GDPD3: variants seen among roughly 807,000 people sequenced by gnomAD.
The protein encoded by GDPD3 is glycerophosphodiester phosphodiesterase domain containing 3.
In GDPD3, 40 loss-of-function variants were observed where a neutral mutation model predicts 43.7. That is an observed-to-expected ratio of 0.91 (90% CI 0.71 to 1.19). The LOEUF (loss-of-function observed/expected upper bound fraction) is 1.19. Ranked by LOEUF, GDPD3 falls within the 50% of genes most tolerant of loss-of-function variation. The pLI is 0.00. For synonymous variants in GDPD3, 145 were observed against 162.9 expected, an observed-to-expected ratio of 0.89 and a Z score of 0.84; for missense variants, 363 against 415.8, an observed-to-expected ratio of 0.87 and a Z score of 1.11.
chr16:30,110,222 G>A (rs1357909451), intron 7 of GDPD3, among the ~76,000 whole-genome samples: 1 of 151,430 alleles, frequency 6.6e-6, no homozygotes, highest in Non-Finnish European at 1.5e-5. Flanking sequence ...GGATCATGAG[G>A]TCAGATTACC....
At chr16:30,111,616 G>A (rs1242975070) in intron 6 of GDPD3, 95 bp from the exon 7 acceptor site, 12 of 1,358,496 alleles carry the variant, frequency 8.8e-6, no homozygotes, top group Non-Finnish European at 1.2e-5. Context: ...CATTCCAGAG[G>A]CCCTACTACC....
At position 30,112,032 on chromosome 16, in the gene GDPD3, G is replaced by C. The variant is rs2072903057; in HGVS notation, c.573+100C>G. On this transcript the variant is annotated intron_variant, in intron 6 of 9. Transcript: ENST00000406256. This position sits in a 1 kb window ranked among gnomAD's most constrained non-coding sequence, Gnocchi z 5.4. Reference sequence around the variant, plus strand: ...CGCCACGCCACTGGGAACTCTCCCAGACCCCTCTAGCTCGGGTCCCCATGC... The same window carrying C: ...CGCCACGCCACTGGGAACTCTCCCACACCCCTCTAGCTCGGGTCCCCATGC... 6 of 898,184 alleles carry C rather than the reference G, an allele frequency of 6.7e-6. No individual in the cohort carries two copies. Among genetic ancestry groups the C allele is most frequent in the Non-Finnish European group, 1.1e-5 (6 of 555,306 alleles). The allele number at this position is 898,184 out of a possible 1,614,324, so 55.6% of individuals were successfully genotyped here.
At position 30,112,860 on chromosome 16, in the gene GDPD3, G is replaced by C. The variant is rs1232183622; in HGVS notation, c.183-67C>G. 3.8e-6 allele frequency: 6 copies of C among 1,571,424 alleles called. No homozygotes were observed. Among genetic ancestry groups the C allele is most frequent in the Non-Finnish European group, 5.2e-6 (6 of 1,149,098 alleles). On this transcript the variant is annotated intron_variant, in intron 2 of 9. Transcript: ENST00000406256. The surrounding 1 kb of genome is among the most constrained non-coding windows in gnomAD (Gnocchi z 5.4). ...GGGATGAGGGGCATGGTGGCTGGGAGGTGGCCGGGAATGTGAGAGCGGAGT... is the reference window on the plus strand; with the variant it reads ...GGGATGAGGGGCATGGTGGCTGGGACGTGGCCGGGAATGTGAGAGCGGAGT...
rs747313934 is a variant in GDPD3, at chr16:30,104,959, G to A, written c.870C>T (p.Ser290=). ...CCGTTATGACGCCAGTGGCTCCCAC[G>A]CTGAAGGCTGCTTCAAAATCCGACT... ...NEESDFEAAF[S]VGATGVITDY... Residue 290 remains serine (S), a synonymous_variant, in exon 10 of 10, where the codon AGC becomes AGT. Transcript: ENST00000406256. 43 of 1,612,604 alleles carry A rather than the reference G, an allele frequency of 2.7e-5. No homozygotes were observed. In the Middle Eastern group the frequency reaches 5.7e-4, roughly 21 times the overall value.
chr16:30,110,697 C>G (rs2072892373), intron 7 of GDPD3, among the ~76,000 whole-genome samples: 1 of 151,556 alleles, frequency 6.6e-6, no homozygotes, highest in Admixed American at 6.6e-5. Flanking sequence ...CATAGTGAGA[C>G]CTTGTCTCTA....
Position 30,112,473 on chromosome 16 carries a change from C to T in GDPD3, c.365-49G>A. 1 of 1,613,974 alleles carries T rather than the reference C, an allele frequency of 6.2e-7. No homozygotes were observed. The highest frequency in any genetic ancestry group is 8.5e-7 in the Non-Finnish European group (1 of 1,179,850). On this transcript the variant is annotated intron_variant, in intron 4 of 9. Transcript: ENST00000406256. This position sits in a 1 kb window ranked among gnomAD's most constrained non-coding sequence, Gnocchi z 5.4. ...GTCAGAGGGAAGCCAAGGCGGAGGT[C>T]CAAGGAAGGCAGGCATGGCCCAGGC...
chr16:30,112,291 T>C lies in GDPD3; in HGVS notation c.483+15A>G. On this transcript the variant is annotated intron_variant, in intron 5 of 9. Coordinates refer to ENST00000406256, the MANE Select transcript of GDPD3 (RefSeq NM_024307.3). The surrounding 1 kb of genome is among the most constrained non-coding windows in gnomAD (Gnocchi z 5.4). ...ACGCCCCCGGTGGCCGCCCTAGCCC[T>C]GCCTGCAGCACCACCTCACGGATGA... The C allele has an allele frequency of 6.2e-7, 1 of 1,613,864 alleles. No homozygotes were observed. Among genetic ancestry groups the C allele is most frequent in the Non-Finnish European group, 8.5e-7 (1 of 1,179,726 alleles).
intron 7 of GDPD3, 177 bp from the exon 8 acceptor site, chr16:30,108,609 C>T: frequency 1.7e-6 from 1 of 605,076 alleles, no homozygotes; most frequent in Admixed American, 2.7e-5. Context: ...AGAGAGCCTA[C>T]TCTGACCACC....
rs374321382 is a variant in GDPD3, at chr16:30,112,242, T to A, written c.484-21A>T. 3 of 1,613,514 alleles carry A rather than the reference T, an allele frequency of 1.9e-6. No homozygotes were observed. ...GCTATCTGGGAGGAGGAGAAGGAGG[T>A]GAAGGGAGAGCCAGGCCTCTCTCAC... On this transcript the variant is annotated intron_variant, in intron 5 of 9. Transcript: ENST00000406256. The surrounding 1 kb of genome is among the most constrained non-coding windows in gnomAD (Gnocchi z 5.4).
At chr16:30,111,757 A>G (rs1215425932) in intron 6 of GDPD3, 1 of 544,388 alleles carries the variant, frequency 1.8e-6, no homozygotes, top group Admixed American at 3.3e-5. Context: ...ACATGGTAAA[A>G]CCCCATCTCT....
At chr16:30,108,584 A>T in intron 7 of GDPD3, 152 bp from the exon 8 acceptor site, 1 of 675,226 alleles carries the variant, frequency 1.5e-6, no homozygotes, top group Non-Finnish European at 2.6e-6. Context: ...CCAGTGAACA[A>T]TTCACCCATT....
chr16:30,107,382 A>G (rs1567350043), intron 9 of GDPD3, among the ~76,000 whole-genome samples: 3 of 41,836 alleles, frequency 7.2e-5, no homozygotes, highest in Admixed American at 5.9e-4. Flanking sequence ...GGCTGGGATT[A>G]CAGGTGGGAG....
intron 7 of GDPD3, among the ~76,000 whole-genome samples, chr16:30,108,694 T>C (rs2072877677): frequency 6.6e-6 from 1 of 152,112 alleles, no homozygotes; most frequent in Middle Eastern, 3.2e-3. Flanking sequence ...GAAAGGGACT[T>C]GCCAGACCCA....
chr16:30,109,766 T>C (rs1472255382), intron 7 of GDPD3, among the ~76,000 whole-genome samples: 1 of 149,706 alleles, frequency 6.7e-6, no homozygotes, highest in Non-Finnish European at 1.5e-5. Context: ...GATGGCACCA[T>C]TGCACTCCAG....
chr16:30,111,888 G>A (rs1020978293), intron 6 of GDPD3: 92 of 567,870 alleles, frequency 1.6e-4, no homozygotes, highest in Middle Eastern at 4.7e-4. Context: ...AGCCGAGGTC[G>A]CACCACCGCA....
intron 7 of GDPD3, among the ~76,000 whole-genome samples, chr16:30,109,112 G>A (rs540908308): frequency 3.3e-5 from 5 of 152,188 alleles, no homozygotes; most frequent in Admixed American, 2.0e-4. Context: ...TTACAGGCGT[G>A]AGCCACCGTG....
chr16:30,113,183 C>G lies in GDPD3; in HGVS notation c.140-119G>C. 1 of 1,350,908 alleles carries G rather than the reference C, an allele frequency of 7.4e-7. No individual in the cohort carries two copies. The highest frequency in any genetic ancestry group is 1.0e-6 in the Non-Finnish European group (1 of 975,764). The allele number at this position is 1,350,908 out of a possible 1,614,324, so 83.7% of individuals were successfully genotyped here. A position where few individuals can be genotyped will look rare whatever the true frequency, so the allele number is the denominator to read the frequency against. On this transcript the variant is annotated intron_variant, in intron 1 of 9. Coordinates refer to ENST00000406256, the MANE Select transcript of GDPD3 (RefSeq NM_024307.3). The surrounding 1 kb of genome is among the most constrained non-coding windows in gnomAD (Gnocchi z 5.9). ...CCTCTGGCCTCACCTCCCCAGCCAG[C>G]CCAGGCTGCGCCAGCATCTTCTTCC...
rs777982889 is a variant in GDPD3, at chr16:30,111,516, G to A, written c.579C>T (p.Pro193=). Residue 193 remains proline (P), a synonymous_variant, in exon 7 of 10, where the codon CCC becomes CCT. Transcript: ENST00000406256. ...SVMKKCKAAN[P]EMPLSFTISR... Reference sequence around the variant, plus strand: ...TTATTGTGAAGGACAGGGGCATCTCGGGGTTCTGGGGAGGCAAGGAGAGGC... The same window carrying A: ...TTATTGTGAAGGACAGGGGCATCTCAGGGTTCTGGGGAGGCAAGGAGAGGC... 6.8e-6 allele frequency: 11 copies of A among 1,613,722 alleles called. No homozygotes were observed. Among genetic ancestry groups the A allele is most frequent in the Middle Eastern group, 1.6e-4 (1 of 6,084 alleles).
intron 9 of GDPD3, among the ~76,000 whole-genome samples, chr16:30,106,640 T>C (rs1403222678): frequency 6.6e-6 from 1 of 152,182 alleles, no homozygotes; most frequent in Non-Finnish European, 1.5e-5. Flanking sequence ...CAAGTGATCC[T>C]CCCACCTCAG....
Sources: allele counts gnomAD v4.1 joint callset (sites outside exome capture counted in the v4.1 genomes callset), GRCh38; gene constraint gnomAD v4.1.1; non-coding constraint Gnocchi (gnomAD v3.1); transcripts MANE v1.5; gene names NCBI Gene and HGNC (gene_info 2026-07-23, HGNC 2026-07-21).